NMNAT1: variants seen among roughly 807,000 people sequenced by gnomAD.
The protein encoded by NMNAT1 is nicotinamide nucleotide adenylyltransferase 1.
NMNAT1 carries 11 observed loss-of-function variants against 16.7 expected under a neutral mutation model. The ratio of observed to expected loss-of-function variants is 0.66; its 90% CI spans 0.41 to 1.09. The LOEUF (loss-of-function observed/expected upper bound fraction) is 1.09, where lower values mean the gene tolerates loss of function less well. Among genes scored for constraint, NMNAT1 ranks in the 50% least tolerant of loss-of-function variants. The pLI is 0.00. For missense variants in NMNAT1, 280 were observed against 332.3 expected (o/e 0.84, Z 1.22); for synonymous variants, 110 against 119.8 (o/e 0.92, Z 0.53).
At chr1:9,943,615 A>AC (rs2101624804) in intron 1 of NMNAT1, 100 bp downstream of exon 1, 1 of 152,262 alleles carries the variant, frequency 6.6e-6, no homozygotes, top group East Asian at 1.9e-4. Flanking sequence ...GTCGAATATG[A>AC]CCCGAGGCAA....
chr1:9,979,206 A>G (rs1641879253), intron 3 of NMNAT1, among the ~76,000 whole-genome samples: 1 of 152,178 alleles, frequency 6.6e-6, no homozygotes, highest in African/African-American at 2.4e-5. Flanking sequence ...GGTGGCTCAC[A>G]TCTATAGTCC....
chr1:9,976,600 A>C (rs1641819232), intron 3 of NMNAT1, among the ~76,000 whole-genome samples: 2 of 151,934 alleles, frequency 1.3e-5, no homozygotes, highest in South Asian at 4.1e-4. Flanking sequence ...CAAAAACCAG[A>C]GTAAGTGACA....
chr1:9,976,812 A>T (rs1282451012), intron 3 of NMNAT1, among the ~76,000 whole-genome samples: 1 of 150,532 alleles, frequency 6.6e-6, no homozygotes, highest in East Asian at 1.9e-4. Flanking sequence ...TTTTTAGTAG[A>T]GATGGGGTTC....
chr1:9,980,544 A>G (rs1641921990), intron 3 of NMNAT1, among the ~76,000 whole-genome samples: 2 of 150,884 alleles, frequency 1.3e-5, no homozygotes, highest in African/African-American at 2.4e-5. Context: ...AATTGTTTGA[A>G]CCCAGGAGCC....
chr1:9,995,873 C>G, the NMNAT1 span, among the ~76,000 whole-genome samples: 1 of 149,492 alleles, frequency 6.7e-6, no homozygotes, highest in East Asian at 2.0e-4. Flanking sequence ...ACTAAAAATA[C>G]AAAAAATTAG....
At chr1:9,943,933 A>T (rs1452860737) in intron 1 of NMNAT1, among the ~76,000 whole-genome samples, 2 of 152,040 alleles carry the variant, frequency 1.3e-5, no homozygotes, top group Non-Finnish European at 2.9e-5. Flanking sequence ...CTTGAGAAGG[A>T]GGTAATGAGC....
Position 9,965,408 on chromosome 1 carries a change from ATTG to A in NMNAT1, c.-56-6604_-56-6602del, listed in dbSNP as rs1164171133. ...TTTATTACTTTTTAATTTTTATATT[ATTG>A]TTGTTATTTTGAGACAGAGTCTCGC... On this transcript the variant is annotated intron_variant, in intron 1 of 4. Coordinates refer to ENST00000377205, the MANE Select transcript of NMNAT1 (RefSeq NM_022787.4). Among the ~76,000 whole-genome samples the A allele has an allele frequency of 1.6e-4, 23 of 148,378 alleles. No individual in the cohort carries two copies. In the East Asian group the frequency reaches 4.5e-3, roughly 29 times the overall value.
chr1:9,995,000 G>C, the NMNAT1 span, among the ~76,000 whole-genome samples: 1 of 151,822 alleles, frequency 6.6e-6, no homozygotes, highest in Non-Finnish European at 1.5e-5. Flanking sequence ...CACCCACCTC[G>C]GTCTCCCAAA....
At chr1:9,965,074 T>G (rs1322604019) in intron 1 of NMNAT1, among the ~76,000 whole-genome samples, 1 of 151,938 alleles carries the variant, frequency 6.6e-6, no homozygotes, top group Non-Finnish European at 1.5e-5. Flanking sequence ...ATTCCAGCAC[T>G]TTGGGAGGCC....
At chr1:9,964,466 A>G (rs951998585) in intron 1 of NMNAT1, among the ~76,000 whole-genome samples, 7 of 150,752 alleles carry the variant, frequency 4.6e-5, no homozygotes, top group Non-Finnish European at 1.0e-4. Flanking sequence ...TGAGCCCAGG[A>G]GATCGTGGCT....
intron 4 of NMNAT1, chr1:9,981,869 T>A (rs1641955729): frequency 6.7e-6 from 1 of 150,136 alleles, no homozygotes; most frequent in African/African-American, 2.5e-5. Context: ...CTGTCATTCT[T>A]TTTTTTTTTT....
upstream of NMNAT1, chr1:9,942,963 G>A (rs1411356779): frequency 2.8e-6 from 1 of 352,454 alleles, no homozygotes; most frequent in Non-Finnish European, 5.6e-6. Context: ...GAGGGTCTTT[G>A]AGGAAAATCC....
downstream of NMNAT1, among the ~76,000 whole-genome samples, chr1:9,989,185 T>C (rs1642081008): frequency 6.6e-6 from 1 of 152,096 alleles, no homozygotes; most frequent in African/African-American, 2.4e-5. Flanking sequence ...CAGGCTCAGC[T>C]GGGCACAGTA....
intron 4 of NMNAT1, 43 bp downstream of exon 4, chr1:9,981,213 A>G (rs768653408): frequency 6.3e-7 from 1 of 1,578,998 alleles, no homozygotes; most frequent in South Asian, 1.2e-5. Context: ...AGTTGATAAG[A>G]TTCTGTAGCT....
At chr1:9,960,417 C>T (rs1241156377) in intron 1 of NMNAT1, among the ~76,000 whole-genome samples, 9 of 151,944 alleles carry the variant, frequency 5.9e-5, no homozygotes, top group African/African-American at 1.9e-4. Flanking sequence ...ATCCCAGCAC[C>T]GTGGGAGGCC....
chr1:9,961,255 G>C (rs956495349), intron 1 of NMNAT1, among the ~76,000 whole-genome samples: 3 of 152,126 alleles, frequency 2.0e-5, no homozygotes, highest in Admixed American at 2.0e-4. Flanking sequence ...CTTCCCTGAA[G>C]TCTGCTTCAG....
intron 1 of NMNAT1, chr1:9,947,591 A>ATCATGCT (rs1641008881): frequency 6.6e-6 from 1 of 152,318 alleles, no homozygotes; most frequent in Non-Finnish European, 1.5e-5. Context: ...GGCACACGCC[A>ATCATGCT]TCATGCTTCA....
downstream of NMNAT1, among the ~76,000 whole-genome samples, chr1:9,986,547 C>T (rs969965260): frequency 6.6e-6 from 1 of 152,098 alleles, no homozygotes; most frequent in Non-Finnish European, 1.5e-5. Flanking sequence ...GCCCGCGTAA[C>T]ATAGCAAGAT....
intron 1 of NMNAT1, among the ~76,000 whole-genome samples, chr1:9,962,387 C>T (rs1290107421): frequency 1.3e-5 from 2 of 150,334 alleles, no homozygotes; most frequent in African/African-American, 4.9e-5. Flanking sequence ...GAGGCTGAGG[C>T]AGGAGAATGG....
Sources: gnomAD v4.1 joint callset for allele counts (sites outside exome capture counted in the v4.1 genomes callset) on GRCh38, gnomAD v4.1.1 for gene constraint, MANE v1.5 for transcripts, NCBI Gene and HGNC (gene_info 2026-07-23, HGNC 2026-07-21) for gene names.